NAA25: variants seen among roughly 807,000 people sequenced by gnomAD.
NAA25 encodes N-terminal acetyltransferase B complex subunit NAA25.
NAA25 carries 30 observed loss-of-function variants against 132.5 expected under a neutral mutation model. The ratio of observed to expected loss-of-function variants is 0.23; its 90% CI spans 0.17 to 0.31. NAA25 has a LOEUF of 0.31. Among genes scored for constraint, NAA25 ranks in the 10% least tolerant of loss-of-function variants. NAA25 has a pLI of 1.00. For missense variants in NAA25, 771 were observed against 1,150.4 expected, an observed-to-expected ratio of 0.67 and a Z score of 4.77; for synonymous variants, 359 against 401.9, an observed-to-expected ratio of 0.89 and a Z score of 1.28.
At chr12:112,104,909 T>A (rs909798833) in intron 1 of NAA25, among the ~76,000 whole-genome samples, 5 of 151,578 alleles carry the variant, frequency 3.3e-5, no homozygotes, top group Non-Finnish European at 7.4e-5. Flanking sequence ...ACCCAGCTAC[T>A]CAGGAGGCTG....
chr12:112,061,507 C>T, intron 11 of NAA25, 119 bp from the exon 12 acceptor site: 2 of 806,824 alleles, frequency 2.5e-6, no homozygotes, highest in Non-Finnish European at 3.9e-6. Flanking sequence ...AACTAAAATT[C>T]CTTTCATAAA....
At chr12:112,063,235 T>C (rs927324625) in intron 11 of NAA25, among the ~76,000 whole-genome samples, 8 of 152,196 alleles carry the variant, frequency 5.3e-5, no homozygotes, top group African/African-American at 1.9e-4. Context: ...AAGCGCACTC[T>C]AGTCACAGAA....
In NAA25 at chr12:112,040,552, G is replaced by A. The variant is rs770178391; in HGVS notation, c.2467C>T (p.Leu823Phe). The A allele has an allele frequency of 1.2e-6, 2 of 1,601,364 alleles. No individual in the cohort carries two copies. The highest frequency in any genetic ancestry group is 1.7e-6 in the Non-Finnish European group (2 of 1,172,222). The change falls in exon 21 of 24, where the codon CTC becomes TTC. Residue 823 changes from leucine to phenylalanine, a missense_variant. By Grantham distance (22) the Leu-to-Phe change is conservative (BLOSUM62 0). Transcript: ENST00000261745. ...AAGTTACCATCTTTAACTTCTAAGA[G>A]GTCACCTTTACATTTACTGAAGACA... ...KDVFSKCKGD[L>F]LEVKDGNLKT...
In NAA25 at chr12:112,043,181, T is replaced by C. The variant is rs1221530746; in HGVS notation, c.2281A>G (p.Met761Val). ...YPFLGPVPTR[M>V]GGFFNSGCSQ... ...CAGCCAGAATTAAAGAATCCACCCA[T>C]TCTGGTAGGTACAGGACCAAGGAAA... The change falls in exon 19 of 24, where the codon ATG becomes GTG. Residue 761 changes from methionine to valine, a missense_variant. Physicochemically the swap from Met to Val is conservative, Grantham distance 21 (BLOSUM62 1). Around this residue, in one of 3 missense-constraint regions of NAA25, gnomAD observed 324 missense variants for 400.0 expected, o/e 0.81. Coordinates refer to ENST00000261745, the MANE Select transcript of NAA25 (RefSeq NM_024953.4). The C allele has an allele frequency of 1.2e-6, 2 of 1,613,032 alleles. No individual in the cohort carries two copies. Among genetic ancestry groups the C allele is most frequent in the East Asian group, 2.2e-5 (1 of 44,828 alleles).
intron 13 of NAA25, among the ~76,000 whole-genome samples, chr12:112,055,269 GAAGA>G: frequency 6.6e-6 from 1 of 152,260 alleles, no homozygotes; most frequent in East Asian, 1.9e-4. Context: ...TGACGTTAAT[GAAGA>G]GTTTTTAATT....
intron 11 of NAA25, among the ~76,000 whole-genome samples, chr12:112,066,727 A>G (rs1201855910): frequency 6.6e-6 from 1 of 152,210 alleles, no homozygotes; most frequent in African/African-American, 2.4e-5. Context: ...ACAGAGCTTT[A>G]CTAAACCAAC....
chr12:112,065,489 A>C (rs1428010458), intron 11 of NAA25: 1 of 151,314 alleles, frequency 6.6e-6, no homozygotes, highest in Non-Finnish European at 1.5e-5. Context: ...ACAAGAACGA[A>C]ACTGTCTCAA....
intron 17 of NAA25, among the ~76,000 whole-genome samples, chr12:112,046,435 A>G (rs1161088818): frequency 6.6e-6 from 1 of 152,214 alleles, no homozygotes; most frequent in Non-Finnish European, 1.5e-5. Flanking sequence ...GAGTGCAACT[A>G]TATGCTCAGC....
At chr12:112,058,710 G>C (rs1237170716) in intron 13 of NAA25, among the ~76,000 whole-genome samples, 1 of 151,956 alleles carries the variant, frequency 6.6e-6, no homozygotes. Context: ...GATCACCTGA[G>C]GTCAGGAGTT....
chr12:112,074,862 T>A (rs542649684), intron 8 of NAA25, 98 bp from the exon 9 acceptor site: 9 of 856,038 alleles, frequency 1.1e-5, no homozygotes, highest in Middle Eastern at 4.5e-4. Flanking sequence ...AAGTTATATT[T>A]TAGTATGTAG....
chr12:112,079,655 T>C (rs2078941877), intron 5 of NAA25, among the ~76,000 whole-genome samples: 2 of 152,186 alleles, frequency 1.3e-5, no homozygotes, highest in South Asian at 4.1e-4. Flanking sequence ...GGCAGACCTG[T>C]CTGACCCCAT....
At chr12:112,070,873 A>G (rs1055920743) in intron 10 of NAA25, among the ~76,000 whole-genome samples, 2 of 152,222 alleles carry the variant, frequency 1.3e-5, no homozygotes, top group Admixed American at 6.5e-5. Flanking sequence ...CAGCCTCCCA[A>G]GTAGCTGTAA....
chr12:112,033,096 G>T, intron 23 of NAA25, 137 bp downstream of exon 23: 1 of 1,036,190 alleles, frequency 9.7e-7, no homozygotes, highest in Non-Finnish European at 1.3e-6. Flanking sequence ...CTACTGCCAA[G>T]CACCTTCTAG....
intron 23 of NAA25, among the ~76,000 whole-genome samples, chr12:112,030,210 C>CAAAAAAAAAAAAAAAAAAAAAAAAAA (rs67757055): frequency 3.7e-5 from 2 of 53,378 alleles, no homozygotes; most frequent in Non-Finnish European, 3.3e-5. Flanking sequence ...AAAGCTGTCT[C>CAAAAAAAAAAAAAAAAAAAAAAAAAA]AAAAAAAAAA....
At chr12:112,062,244 C>T (rs1343731417) in intron 11 of NAA25, among the ~76,000 whole-genome samples, 1 of 151,502 alleles carries the variant, frequency 6.6e-6, no homozygotes, top group Non-Finnish European at 1.5e-5. Context: ...TAAAAATACA[C>T]AAAAAAATTA....
intron 22 of NAA25, chr12:112,037,588 A>T (rs1402878756): frequency 1.4e-5 from 2 of 141,176 alleles, no homozygotes; most frequent in African/African-American, 5.2e-5. Context: ...TTTATAAAGA[A>T]ATCTGGTAGA....
chr12:112,052,089 T>G (rs1053441496), intron 15 of NAA25, among the ~76,000 whole-genome samples: 2 of 152,140 alleles, frequency 1.3e-5, no homozygotes, highest in African/African-American at 4.8e-5. Context: ...TTCATCTCTC[T>G]TATAAATACA....
chr12:112,036,867 CTGTGTGTGCGTG>C (rs2078230274), intron 22 of NAA25, among the ~76,000 whole-genome samples: 1 of 150,100 alleles, frequency 6.7e-6, no homozygotes, highest in Non-Finnish European at 1.5e-5. Flanking sequence ...GTACGTAAAA[CTGTGTGTGCGTG>C]TGTGTGTGTG....
At chr12:112,094,014 T>G (rs1184318560) in intron 1 of NAA25, among the ~76,000 whole-genome samples, 1 of 151,810 alleles carries the variant, frequency 6.6e-6, no homozygotes, top group Non-Finnish European at 1.5e-5. Flanking sequence ...CTGAGGTGGG[T>G]GGATCACGAA....
Sources: gnomAD v4.1 joint callset for allele counts (sites outside exome capture counted in the v4.1 genomes callset) on GRCh38, gnomAD v4.1.1 for gene constraint, gnomAD v4.1.1 regional missense constraint, MANE v1.5 for transcripts, NCBI Gene and HGNC (gene_info 2026-07-23, HGNC 2026-07-21) for gene names.